Variants in ATRNL1 observed in about 807,000 individuals in gnomAD.
ATRNL1 encodes the protein attractin-like protein 1.
In ATRNL1, 95 loss-of-function variants were observed where a neutral mutation model predicts 182.7. The ratio of observed to expected loss-of-function variants is 0.52; its 90% CI spans 0.44 to 0.62. The LOEUF (loss-of-function observed/expected upper bound fraction) is 0.62. Among genes scored for constraint, ATRNL1 ranks in the 20% least tolerant of loss-of-function variants. The probability of loss-of-function intolerance (pLI) is 0.00; values close to 1 mark genes in which losing one functional copy is unlikely to be tolerated. For synonymous variants in ATRNL1, 576 were observed against 568.3 expected, an observed-to-expected ratio of 1.01 and a Z score of -0.19; for missense variants, 1,471 against 1,679.5, an observed-to-expected ratio of 0.88 and a Z score of 2.17.
intron 21 of ATRNL1, among the ~76,000 whole-genome samples, chr10:115,457,807 C>T (rs1554969034): frequency 6.6e-6 from 1 of 152,014 alleles, no homozygotes; most frequent in East Asian, 1.9e-4. Context: ...CTTTTACCTA[C>T]CTCAGGGAAT....
intron 24 of ATRNL1, 114 bp downstream of exon 24, chr10:115,469,443 A>T: frequency 1.7e-6 from 1 of 590,516 alleles, no homozygotes; most frequent in Non-Finnish European, 2.8e-6. Context: ...ATACAAAAAC[A>T]TGCATTGACC....
Position 115,461,929 on chromosome 10 carries a change from T to C in ATRNL1, c.3323-12T>C. 4 of 1,593,344 alleles carry C rather than the reference T, an allele frequency of 2.5e-6. No individual in the cohort carries two copies. The highest frequency in any genetic ancestry group is 2.6e-6 in the Non-Finnish European group (3 of 1,168,170). ...GTACATATCAGGATTGTACTTTTTT[T>C]CCTCCCTACAGACAGCCTTTTGATT... On this transcript the variant is annotated splice_polypyrimidine_tract_variant and intron_variant, in intron 21 of 28. Coordinates refer to ENST00000355044, the MANE Select transcript of ATRNL1 (RefSeq NM_207303.4).
intron 20 of ATRNL1, among the ~76,000 whole-genome samples, chr10:115,409,396 T>A (rs546119795): frequency 6.6e-6 from 1 of 152,306 alleles, no homozygotes; most frequent in Admixed American, 6.5e-5. Flanking sequence ...GCTACTGATT[T>A]TTTAATGTTG....
intron 24 of ATRNL1, among the ~76,000 whole-genome samples, chr10:115,516,177 A>C (rs1850628228): frequency 6.6e-6 from 1 of 151,802 alleles, no homozygotes; most frequent in African/African-American, 2.4e-5. Context: ...ATTCTAAGTA[A>C]GTTTTTCTTT....
At chr10:115,616,325 G>A (rs563020907) in intron 26 of ATRNL1, among the ~76,000 whole-genome samples, 10 of 152,254 alleles carry the variant, frequency 6.6e-5, no homozygotes, top group South Asian at 2.1e-4. Flanking sequence ...ACACTGATAC[G>A]CATGAGCAAA....
chr10:115,718,906 T>G (rs1947335159), intron 26 of ATRNL1, among the ~76,000 whole-genome samples: 2 of 152,190 alleles, frequency 1.3e-5, no homozygotes, highest in African/African-American at 4.8e-5. Flanking sequence ...TTTTTTTTGC[T>G]GGCATGGAGA....
chr10:115,664,801 C>A (rs781347469), intron 26 of ATRNL1, among the ~76,000 whole-genome samples: 1 of 151,928 alleles, frequency 6.6e-6, no homozygotes, highest in Admixed American at 6.6e-5. Context: ...TTAGGTATTT[C>A]TTTTAATGCT....
intron 24 of ATRNL1, among the ~76,000 whole-genome samples, chr10:115,507,313 C>T (rs1443543046): frequency 6.6e-6 from 1 of 151,882 alleles, no homozygotes; most frequent in Non-Finnish European, 1.5e-5. Flanking sequence ...TTTGGGGGCC[C>T]CCAGATTTAT....
chr10:115,943,968 A>G (rs781996405), intron 28 of ATRNL1, among the ~76,000 whole-genome samples: 1 of 152,156 alleles, frequency 6.6e-6, no homozygotes, highest in Non-Finnish European at 1.5e-5. Context: ...CAACCATACA[A>G]CATTCTGGAA....
chr10:115,889,330 G>T (rs1952025262), intron 28 of ATRNL1, among the ~76,000 whole-genome samples: 1 of 98,306 alleles, frequency 1.0e-5, no homozygotes, highest in Non-Finnish European at 1.9e-5. Context: ...CCCAAAGTCA[G>T]TTTTTTGGGG....
chr10:115,252,142 T>A (rs1295067125), intron 10 of ATRNL1, among the ~76,000 whole-genome samples: 1 of 152,170 alleles, frequency 6.6e-6, no homozygotes, highest in Non-Finnish European at 1.5e-5. Flanking sequence ...TTCTCCTGCC[T>A]CAGCCTCCTG....
At chr10:115,186,194 A>G (rs892860216) in intron 8 of ATRNL1, among the ~76,000 whole-genome samples, 1 of 151,538 alleles carries the variant, frequency 6.6e-6, no homozygotes, top group African/African-American at 2.4e-5. Context: ...CTCAAAGAAG[A>G]CATACAAATG....
At chr10:115,660,650 G>C (rs1360898268) in intron 26 of ATRNL1, among the ~76,000 whole-genome samples, 1 of 151,994 alleles carries the variant, frequency 6.6e-6, no homozygotes, top group Non-Finnish European at 1.5e-5. Context: ...TGAACAGGGT[G>C]ACAAACCTTG....
At chr10:115,910,400 C>T (rs1298930593) in intron 28 of ATRNL1, among the ~76,000 whole-genome samples, 1 of 152,078 alleles carries the variant, frequency 6.6e-6, no homozygotes, top group Admixed American at 6.5e-5. Flanking sequence ...CGGGGAGAAG[C>T]CTTCTGGGAC....
At chr10:115,424,004 T>A (rs7476158) in intron 20 of ATRNL1, among the ~76,000 whole-genome samples, 37,630 of 152,002 alleles carry the variant, frequency 0.25, 5,403 homozygotes, top group Non-Finnish European at 0.34. Flanking sequence ...ACCTATAGAA[T>A]GGGAGAAAAT....
At chr10:115,133,580 C>T (rs1554875781) in intron 5 of ATRNL1, among the ~76,000 whole-genome samples, 1 of 152,134 alleles carries the variant, frequency 6.6e-6, no homozygotes, top group African/African-American at 2.4e-5. Flanking sequence ...GAGACTTAGA[C>T]TCCCACACAA....
intron 28 of ATRNL1, among the ~76,000 whole-genome samples, chr10:115,860,886 G>C (rs753047038): frequency 2.0e-5 from 3 of 152,192 alleles, no homozygotes; most frequent in Non-Finnish European, 4.4e-5. Context: ...GTAGAAGGCA[G>C]TTTTGAAATC....
At chr10:115,584,767 T>C (rs1450654482) in intron 26 of ATRNL1, among the ~76,000 whole-genome samples, 5 of 152,202 alleles carry the variant, frequency 3.3e-5, no homozygotes, top group African/African-American at 1.2e-4. Context: ...GCTCTGACTT[T>C]AGTTATTTCT....
At chr10:115,181,310 AATAG>A (rs1289285628) in intron 8 of ATRNL1, among the ~76,000 whole-genome samples, 3 of 151,872 alleles carry the variant, frequency 2.0e-5, no homozygotes, top group African/African-American at 7.2e-5. Flanking sequence ...CTGCATATGT[AATAG>A]ATAGGAATCA....
Sources: allele counts gnomAD v4.1 joint callset (sites outside exome capture counted in the v4.1 genomes callset), GRCh38; gene constraint gnomAD v4.1.1; transcripts MANE v1.5; gene names NCBI Gene and HGNC (gene_info 2026-07-23, HGNC 2026-07-21).